Variants in SEC14L2 observed in about 807,000 individuals in gnomAD.
SEC14L2 encodes SEC14-like protein 2.
Under a neutral mutation model 56.9 loss-of-function variants are expected in SEC14L2, and 50 were observed. The observed-to-expected ratio is 0.88, with a 90% CI of 0.70 to 1.11. SEC14L2 has a LOEUF of 1.11. Ranked by LOEUF, SEC14L2 falls within the 50% of genes most tolerant of loss-of-function variation. The pLI, the probability that SEC14L2 is intolerant of heterozygous loss-of-function variation, is 0.00. For synonymous variants in SEC14L2, 179 were observed against 188.5 expected (o/e 0.95, Z 0.41); for missense variants, 414 against 500.7 (o/e 0.83, Z 1.65).
chr22:30,397,045 G>A lies in SEC14L2; in HGVS notation c.-72G>A, dbSNP rs1230013235. 5.2e-6 allele frequency: 7 copies of A among 1,356,744 alleles called. No homozygotes were observed. Among genetic ancestry groups the A allele is most frequent in the Middle Eastern group, 1.8e-4 (1 of 5,584 alleles). The allele number at this position is 1,356,744 out of a possible 1,614,324, so 84.0% of individuals were successfully genotyped here. A position where few individuals can be genotyped will look rare whatever the true frequency, so the allele number is the denominator to read the frequency against. ...CTTTACTCCGGGTGGCGGCGAGGAC[G>A]AGTCTGTGCTCCATCAGCTGCCGCA... On this transcript the variant is annotated 5_prime_UTR_variant, in exon 1 of 12. Coordinates refer to ENST00000615189, the MANE Select transcript of SEC14L2 (RefSeq NM_012429.5).
At chr22:30,413,713 T>G (rs1934313381) in intron 8 of SEC14L2, among the ~76,000 whole-genome samples, 1 of 152,092 alleles carries the variant, frequency 6.6e-6, no homozygotes, top group Admixed American at 6.5e-5. Flanking sequence ...TGTATGCTAG[T>G]GAGACCCGGG....
chr22:30,399,112 GTC>G (rs1933844158), intron 1 of SEC14L2, among the ~76,000 whole-genome samples: 1 of 152,138 alleles, frequency 6.6e-6, no homozygotes, highest in African/African-American at 2.4e-5. Context: ...CAGGGGCAGT[GTC>G]TCACTCCCTT....
At chr22:30,399,586 G>A in intron 1 of SEC14L2, 57 bp from the exon 2 acceptor site, 3 of 1,310,896 alleles carry the variant, frequency 2.3e-6, no homozygotes, top group Admixed American at 1.9e-5. Context: ...AGAGTCCTAG[G>A]CAGAGGGCAG....
chr22:30,415,971 C>T lies in SEC14L2; in HGVS notation c.795C>T (p.Pro265=), dbSNP rs766652622. 6.2e-7 allele frequency: 1 copy of T among 1,614,198 alleles called. No homozygotes were observed. The highest frequency in any genetic ancestry group is 1.1e-5 in the South Asian group (1 of 91,082). The part of the protein sequence containing the change: ...KSKINYGGDI[P]RKYYVRDQVK... ...AGATCAACTACGGGGGTGACATCCC[C>T]AGGAAGTATTATGTGCGAGACCAGG... The change falls in exon 10 of 12, where the codon CCC becomes CCT. Residue 265 remains proline, a synonymous_variant. Transcript: ENST00000615189.
At chr22:30,409,306 A>G in intron 6 of SEC14L2, 24 bp downstream of exon 6, 1 of 1,452,744 alleles carries the variant, frequency 6.9e-7, no homozygotes, top group South Asian at 1.1e-5. Flanking sequence ...GTGGGGAGGA[A>G]GGGGACAGAG....
At position 30,423,986 on chromosome 22, in the gene SEC14L2, T is replaced by C. The variant is rs1235293042; in HGVS notation, c.*1579T>C. 6.6e-6 allele frequency: 1 copy of C among 152,300 alleles called. No individual in the cohort carries two copies. The highest frequency in any genetic ancestry group is 1.5e-5 in the Non-Finnish European group (1 of 68,086). 9.4% of individuals were successfully genotyped at this position (152,300 alleles called of 1,614,324 possible). Reference sequence around the variant, plus strand: ...TGCGCAGAAATCCTCCTCGGCTCTCTAGCGTGAGCTTTCCCAAGGGGCCAC... The same window carrying C: ...TGCGCAGAAATCCTCCTCGGCTCTCCAGCGTGAGCTTTCCCAAGGGGCCAC... On this transcript the variant is annotated 3_prime_UTR_variant, in exon 12 of 12. Coordinates refer to ENST00000615189, the MANE Select transcript of SEC14L2 (RefSeq NM_012429.5).
intron 8 of SEC14L2, among the ~76,000 whole-genome samples, chr22:30,413,673 G>A (rs1934312234): frequency 6.6e-6 from 1 of 152,168 alleles, no homozygotes; most frequent in African/African-American, 2.4e-5. Flanking sequence ...TCATCTTTTG[G>A]TGACACACGA....
In SEC14L2 at chr22:30,399,684, T is replaced by G. The variant is rs1359075147; in HGVS notation, c.96T>G (p.Asn32Lys). 4 of 1,613,792 alleles carry G rather than the reference T, an allele frequency of 2.5e-6. No homozygotes were observed. The highest frequency in any genetic ancestry group is 3.4e-6 in the Non-Finnish European group (4 of 1,179,964). The change falls in exon 2 of 12, where the codon AAT becomes AAG. Residue 32 changes from asparagine (N) to lysine (K), a missense_variant. By Grantham distance (94) the Asn-to-Lys change is moderately conservative. Transcript: ENST00000615189. ...AGGATGTGCTGCCGGCCCTGCCGAA[T>G]CCAGATGACTATTTTCTCCTGCGTT... ...NVQDVLPALP[N>K]PDDYFLLRWL...
In SEC14L2 at chr22:30,409,286, AG is replaced by A; in HGVS notation, c.519+8del. 1 of 1,331,624 alleles carries A rather than the reference AG, an allele frequency of 7.5e-7. No individual in the cohort carries two copies. 82.5% of individuals were successfully genotyped at this position (1,331,624 alleles called of 1,614,324 possible). On this transcript the variant is annotated splice_donor_5th_base_variant and intron_variant, in intron 6 of 11. Coordinates refer to ENST00000615189, the MANE Select transcript of SEC14L2 (RefSeq NM_012429.5). ...TGCTGTGGAGGCCTATGGAGAGGTG[AG>A]GGGCAGGGGTGGGGAGGAAGGGGAC...
chr22:30,399,513 CAAAAAAAAAA>C (rs60817387), intron 1 of SEC14L2, 120 bp from the exon 2 acceptor site: 495 of 242,786 alleles, frequency 2.0e-3, no homozygotes, highest in Middle Eastern at 4.1e-3. Flanking sequence ...GACTCTATCT[CAAAAAAAAAA>C]AAAAAAAAAA....
intron 11 of SEC14L2, 91 bp downstream of exon 11, chr22:30,416,494 A>T (rs762468444): frequency 6.2e-7 from 1 of 1,603,808 alleles, no homozygotes; most frequent in Non-Finnish European, 8.5e-7. Flanking sequence ...TTTGGCTCTG[A>T]GTGTTAGAAC....
At chr22:30,421,442 A>T (rs960287989) in intron 11 of SEC14L2, 2 of 152,282 alleles carry the variant, frequency 1.3e-5, no homozygotes, top group African/African-American at 4.8e-5. Context: ...CATTGTGGAC[A>T]GTTTCCTGTC....
chr22:30,399,513 C>CAAAAA (rs60817387), intron 1 of SEC14L2, 130 bp from the exon 2 acceptor site: 19 of 242,842 alleles, frequency 7.8e-5, no homozygotes, highest in African/African-American at 1.2e-4. Context: ...GACTCTATCT[C>CAAAAA]AAAAAAAAAA....
chr22:30,401,548 C>CGACA (rs1465724247), intron 2 of SEC14L2, among the ~76,000 whole-genome samples: 2 of 151,854 alleles, frequency 1.3e-5, no homozygotes, highest in African/African-American at 4.8e-5. Flanking sequence ...GAGTCTCACT[C>CGACA]TGTCGCCCAG....
chr22:30,418,161 TC>T (rs1934434399), intron 11 of SEC14L2, among the ~76,000 whole-genome samples: 1 of 152,142 alleles, frequency 6.6e-6, no homozygotes, highest in Non-Finnish European at 1.5e-5. Context: ...CAAGCGACCC[TC>T]CTGCCTTGGC....
At chr22:30,416,710 T>A (rs942300992) in intron 11 of SEC14L2, 2 of 1,378,774 alleles carry the variant, frequency 1.5e-6, no homozygotes, top group Admixed American at 6.3e-5. Context: ...GGTCTGTGAC[T>A]GGACAGATAT....
chr22:30,422,157 C>T (rs1045457414), intron 11 of SEC14L2, 120 bp from the exon 12 acceptor site: 2 of 1,264,276 alleles, frequency 1.6e-6, no homozygotes, highest in Non-Finnish European at 2.2e-6. Flanking sequence ...CCTAGGCTAC[C>T]TTCATCCCCA....
At chr22:30,412,047 T>G (rs1437021857) in intron 8 of SEC14L2, among the ~76,000 whole-genome samples, 8 of 151,996 alleles carry the variant, frequency 5.3e-5, no homozygotes, top group Non-Finnish European at 8.8e-5. Flanking sequence ...TTATAGAATG[T>G]GAGGCAGGGT....
chr22:30,399,972 C>T (rs1162862651), intron 2 of SEC14L2, among the ~76,000 whole-genome samples: 1 of 152,228 alleles, frequency 6.6e-6, no homozygotes, highest in South Asian at 2.1e-4. Context: ...GAGTCCAGGT[C>T]GGCTGACCCT....
Sources: gnomAD v4.1 joint callset for allele counts (sites outside exome capture counted in the v4.1 genomes callset) on GRCh38, gnomAD v4.1.1 for gene constraint, MANE v1.5 for transcripts, NCBI Gene and HGNC (gene_info 2026-07-23, HGNC 2026-07-21) for gene names.